RIMKLA: variants seen among roughly 807,000 people sequenced by gnomAD.
RIMKLA encodes ribosomal modification protein rimK like family member A.
Under a neutral mutation model 32.7 loss-of-function variants are expected in RIMKLA, and 14 were observed. The ratio of observed to expected loss-of-function variants is 0.43; its 90% confidence interval spans 0.28 to 0.67. The LOEUF is 0.67. RIMKLA is among the 30% of genes least tolerant of loss of function. The probability of loss-of-function intolerance (pLI) is 0.18; values close to 1 mark genes in which losing one functional copy is unlikely to be tolerated. For synonymous variants in RIMKLA, 176 were observed against 204.1 expected (o/e 0.86, Z 1.18); for missense variants, 410 against 519.0 (o/e 0.79, Z 2.04).
chr1:42,388,497 G>A (rs1486440374), intron 1 of RIMKLA, among the ~76,000 whole-genome samples: 1 of 150,140 alleles, frequency 6.7e-6, no homozygotes, highest in Non-Finnish European at 1.5e-5. Context: ...GAGCCACTGT[G>A]CTTGGCCCAC....
At chr1:42,393,942 G>A (rs1488641090) in intron 1 of RIMKLA, among the ~76,000 whole-genome samples, 1 of 152,046 alleles carries the variant, frequency 6.6e-6, no homozygotes, top group Non-Finnish European at 1.5e-5. Context: ...CTGCCACCAC[G>A]CCCAACTAAT....
At chr1:42,381,136 C>T in intron 1 of RIMKLA, 39 bp downstream of exon 1, 1 of 1,240,278 alleles carries the variant, frequency 8.1e-7, no homozygotes, top group South Asian at 3.4e-5. Flanking sequence ...GGAGGCGCGC[C>T]GGGGTCCACG....
rs1291783785 is a variant in RIMKLA, at chr1:42,415,618, T to C, written c.*644T>C. ...ATGTCCTGCTTTGTAACTGGGCCTT[T>C]CTACAAATTGCTTTGCCACTCTGAA... is the stretch of plus-strand genomic sequence containing the variant. On this transcript the variant is annotated 3_prime_UTR_variant, in exon 5 of 5. Coordinates refer to ENST00000431473, the MANE Select transcript of RIMKLA (RefSeq NM_173642.4). The C allele has an allele frequency of 6.6e-6, 1 of 152,258 alleles. No individual in the cohort carries two copies. The highest frequency in any genetic ancestry group is 1.5e-5 in the Non-Finnish European group (1 of 68,064). The allele number at this position is 152,258 out of a possible 1,614,324, so 9.4% of individuals were successfully genotyped here. A position where few individuals can be genotyped will look rare whatever the true frequency, so the allele number is the denominator to read the frequency against.
intron 1 of RIMKLA, among the ~76,000 whole-genome samples, chr1:42,381,970 C>T (rs538438815): frequency 2.0e-5 from 3 of 152,280 alleles, no homozygotes; most frequent in African/African-American, 7.2e-5. Context: ...AAAGGATTTG[C>T]GCCCAGTTCA....
At chr1:42,399,037 C>G (rs1458250446) in intron 1 of RIMKLA, among the ~76,000 whole-genome samples, 1 of 150,448 alleles carries the variant, frequency 6.6e-6, no homozygotes, top group Non-Finnish European at 1.5e-5. Context: ...GGTAGGGATT[C>G]CTAAAGTGGG....
chr1:42,399,119 G>A (rs899246256), intron 1 of RIMKLA, among the ~76,000 whole-genome samples: 2 of 152,108 alleles, frequency 1.3e-5, no homozygotes, highest in Non-Finnish European at 2.9e-5. Context: ...TTGTCCTATG[G>A]GAAGGAAGGT....
chr1:42,414,721 C>T lies in RIMKLA; in HGVS notation c.923C>T (p.Thr308Ile), dbSNP rs1235968966. The stretch of plus-strand genomic sequence containing the variant: ...ATGTCCTTGCTGCCAAATAGGCAGA[C>T]TGGAAAGATGGCTGTCCTCCCAGGA... The part of the protein sequence containing the change: ...YTMSLLPNRQ[T>I]GKMAVLPGLS... Residue 308 changes from threonine to isoleucine, a missense_variant, in exon 5 of 5, where the codon ACT becomes ATT. Coordinates refer to ENST00000431473, the MANE Select transcript of RIMKLA (RefSeq NM_173642.4). 6.2e-7 allele frequency: 1 copy of T among 1,614,186 alleles called. No homozygotes were observed.
At position 42,416,172 on chromosome 1, in the gene RIMKLA, A is replaced by AAATC. The variant is rs1259648658; in HGVS notation, c.*1200_*1203dup. On this transcript the variant is annotated 3_prime_UTR_variant, in exon 5 of 5. Transcript: ENST00000431473. ...GTAGATGAGATCTTTCCCTTGGGAG[A>AAATC]AATCACAGAGATGGAGTTTTCCATT... is the stretch of plus-strand genomic sequence containing the variant. The AAATC allele has an allele frequency of 6.6e-6, 1 of 150,642 alleles. No homozygotes were observed. Among genetic ancestry groups the AAATC allele is most frequent in the African/African-American group, 2.4e-5 (1 of 41,334 alleles). 9.3% of individuals were successfully genotyped at this position (150,642 alleles called of 1,614,324 possible).
chr1:42,404,404 C>A, intron 2 of RIMKLA, 107 bp from the exon 3 acceptor site: 1 of 747,056 alleles, frequency 1.3e-6, no homozygotes, highest in South Asian at 1.5e-5. Flanking sequence ...TGGCCTTAAT[C>A]AGAGAGAGAT....
At chr1:42,400,173 T>C (rs1643084453) in intron 2 of RIMKLA, among the ~76,000 whole-genome samples, 1 of 152,172 alleles carries the variant, frequency 6.6e-6, no homozygotes, top group African/African-American at 2.4e-5. Flanking sequence ...AGAGACACCC[T>C]GACCTGTTGG....
chr1:42,399,510 C>T lies in RIMKLA; in HGVS notation c.270C>T (p.His90=), dbSNP rs747744065. ...QSDSDITVLR[H]LEKLGCRLVN... is the part of the protein sequence containing the mutation. ...ACAGTGACATCACTGTCCTGCGACA[C>T]CTGGAGAAGCTGGGCTGCCGGTTGG... The change falls in exon 2 of 5, where the codon CAC becomes CAT. Residue 90 remains histidine (H), a synonymous_variant. Coordinates refer to ENST00000431473, the MANE Select transcript of RIMKLA (RefSeq NM_173642.4). The T allele has an allele frequency of 6.2e-7, 1 of 1,613,522 alleles. No homozygotes were observed. Among genetic ancestry groups the T allele is most frequent in the Admixed American group, 1.7e-5 (1 of 59,940 alleles).
rs1386251406 is a variant in RIMKLA, at chr1:42,418,120, C to T, written c.*3146C>T. 1 of 152,076 alleles carries T rather than the reference C, an allele frequency of 6.6e-6. No homozygotes were observed. The highest frequency in any genetic ancestry group is 2.4e-5 in the African/African-American group (1 of 41,410). 9.4% of individuals were successfully genotyped at this position (152,076 alleles called of 1,614,324 possible). The stretch of plus-strand genomic sequence containing the variant: ...TGGATGTATCGTATATAACCTGAAA[C>T]TCTCCACTCTTGTATACCAACTAAC... On this transcript the variant is annotated 3_prime_UTR_variant, in exon 5 of 5. Coordinates refer to ENST00000431473, the MANE Select transcript of RIMKLA (RefSeq NM_173642.4).
intron 4 of RIMKLA, chr1:42,412,753 G>T: frequency 2.8e-6 from 1 of 355,852 alleles, no homozygotes; most frequent in Non-Finnish European, 5.4e-6. Context: ...TGGCTTTGGT[G>T]ATGCTCTTGA....
chr1:42,411,265 T>C (rs1305295785), intron 4 of RIMKLA, among the ~76,000 whole-genome samples: 2 of 151,542 alleles, frequency 1.3e-5, no homozygotes, highest in Non-Finnish European at 2.9e-5. Flanking sequence ...AGCCCAGGAG[T>C]TTGAGGCTGC....
Position 42,422,961 on chromosome 1 carries a change from AG to A in RIMKLA, c.*7991del, listed in dbSNP as rs71649751. Among the ~76,000 whole-genome samples, 34,098 of 152,148 alleles carry A rather than the reference AG, an allele frequency of 0.22. 4,909 individuals carry two copies. Among genetic ancestry groups the A allele is most frequent in the Non-Finnish European group, 0.31 (21,040 of 67,978 alleles). ...TTTAAAATGGCTGTGTGGTGCAGTA[AG>A]GGGTCTCAGGGGATTGAAAGAATCT... On this transcript the variant is annotated 3_prime_UTR_variant, in exon 5 of 5. Coordinates refer to ENST00000431473, the MANE Select transcript of RIMKLA (RefSeq NM_173642.4).
At chr1:42,406,839 G>C (rs1439612170) in intron 3 of RIMKLA, among the ~76,000 whole-genome samples, 5 of 151,610 alleles carry the variant, frequency 3.3e-5, no homozygotes, top group Non-Finnish European at 7.4e-5. Flanking sequence ...TTGGAGGAAT[G>C]TTTTTTCATA....
At chr1:42,400,606 T>G (rs1363296471) in intron 2 of RIMKLA, among the ~76,000 whole-genome samples, 3 of 152,180 alleles carry the variant, frequency 2.0e-5, no homozygotes, top group Non-Finnish European at 4.4e-5. Context: ...AGCAACCAGA[T>G]GTGAAAGCAA....
Position 42,414,522 on chromosome 1 carries a change from A to G in RIMKLA, c.724A>G (p.Lys242Glu). ...GVKCPLTEQG[K>E]QLAIQVSNIL... ...CAAGTGTCCGCTGACAGAACAAGGC[A>G]AGCAGTTGGCTATTCAGGTGTCCAA... The change falls in exon 5 of 5, where the codon AAG becomes GAG. Residue 242 changes from lysine to glutamate, a missense_variant. Physicochemically the swap from Lys to Glu is moderately conservative, Grantham distance 56. Transcript: ENST00000431473. 6.2e-7 allele frequency: 1 copy of G among 1,614,234 alleles called. No individual in the cohort carries two copies. The highest frequency in any genetic ancestry group is 8.5e-7 in the Non-Finnish European group (1 of 1,180,038).
intron 1 of RIMKLA, among the ~76,000 whole-genome samples, chr1:42,389,791 G>A (rs1299068307): frequency 6.6e-6 from 1 of 150,454 alleles, no homozygotes; most frequent in Non-Finnish European, 1.5e-5. Context: ...TCAAGTCTGG[G>A]TGACAGAGCG....
Sources: allele counts gnomAD v4.1 joint callset (sites outside exome capture counted in the v4.1 genomes callset), GRCh38; gene constraint gnomAD v4.1.1; transcripts MANE v1.5; gene names NCBI Gene and HGNC (gene_info 2026-07-23, HGNC 2026-07-21).